Variants in ZNF586 observed in about 807,000 individuals in gnomAD.
ZNF586 encodes the protein zinc finger protein 586.
ZNF586 carries 7 observed loss-of-function variants against 6.7 expected under a neutral mutation model. The observed-to-expected ratio is 1.04, with a 90% CI of 0.59 to 1.95. The LOEUF is 1.95. Ranked by LOEUF, ZNF586 falls within the 30% of genes most tolerant of loss-of-function variation. The probability of loss-of-function intolerance (pLI) is 0.00; values close to 1 mark genes in which losing one functional copy is unlikely to be tolerated. For missense variants in ZNF586, 442 were observed against 489.6 expected, an observed-to-expected ratio of 0.90 and a Z score of 0.92; for synonymous variants, 166 against 168.7, an observed-to-expected ratio of 0.98 and a Z score of 0.12.
At position 57,779,316 on chromosome 19, in the gene ZNF586, T is replaced by A. The variant is rs1204456108; in HGVS notation, c.729T>A (p.Phe243Leu). ...AGTGCAGTGAATGTGGGAGATCCTTTGCTGAAAACTCCAGTCTTATTAAAC... is the reference window on the plus strand; with the variant it reads ...AGTGCAGTGAATGTGGGAGATCCTTAGCTGAAAACTCCAGTCTTATTAAAC... ...PYECSECGRSFAENSSLIKHL... is the reference protein window; with the variant it reads ...PYECSECGRSLAENSSLIKHL... Residue 243 changes from phenylalanine to leucine, a missense_variant, in exon 3 of 3, where the codon TTT becomes TTA. Physicochemically the swap from Phe to Leu is conservative, Grantham distance 22. Transcript: ENST00000396154. The A allele has an allele frequency of 6.2e-7, 1 of 1,613,956 alleles. No homozygotes were observed. Among genetic ancestry groups the A allele is most frequent in the Non-Finnish European group, 8.5e-7 (1 of 1,180,028 alleles).
rs903762115 is a variant in ZNF586 at position 57,780,424 on chromosome 19, C to G, written c.*628C>G. On this transcript the variant is annotated 3_prime_UTR_variant, in exon 3 of 3. Transcript: ENST00000396154. ...CTCATTTTTGGCACAGAGGACTCTT[C>G]TGATAACTTGAAAAAATGGACTACC... is the stretch of plus-strand genomic sequence containing the variant. 1 of 152,208 alleles carries G rather than the reference C, an allele frequency of 6.6e-6. No individual in the cohort carries two copies. Among genetic ancestry groups the G allele is most frequent in the African/African-American group, 2.4e-5 (1 of 41,432 alleles). 9.4% of individuals were successfully genotyped at this position (152,208 alleles called of 1,614,324 possible).
intron 1 of ZNF586, 121 bp downstream of exon 1, chr19:57,769,999 C>T: frequency 1.0e-6 from 1 of 973,006 alleles, no homozygotes; most frequent in Non-Finnish European, 1.4e-6. Flanking sequence ...CGGAGAGGCG[C>T]CGGCGGGTGG....
intron 1 of ZNF586, among the ~76,000 whole-genome samples, chr19:57,770,604 T>C (rs75280002): frequency 3.3e-5 from 5 of 152,200 alleles, no homozygotes; most frequent in East Asian, 3.9e-4. Flanking sequence ...GGTTGAATCA[T>C]TGAGAGGTGA....
At chr19:57,773,306 TCCTGCTTGTGTA>T (rs1424762066) in intron 1 of ZNF586, among the ~76,000 whole-genome samples, 1 of 152,088 alleles carries the variant, frequency 6.6e-6, no homozygotes, top group Non-Finnish European at 1.5e-5. Flanking sequence ...AGTTTGGGTT[TCCTGCTTGTGTA>T]CCTGGTGATG....
chr19:57,773,673 G>A (rs145916007), intron 1 of ZNF586, among the ~76,000 whole-genome samples: 9 of 152,226 alleles, frequency 5.9e-5, no homozygotes, highest in African/African-American at 2.2e-4. Flanking sequence ...ATGCTTCCAA[G>A]AAATGAATAG....
chr19:57,775,264 G>T (rs1480806014), intron 1 of ZNF586, among the ~76,000 whole-genome samples: 1 of 152,112 alleles, frequency 6.6e-6, no homozygotes, highest in African/African-American at 2.4e-5. Flanking sequence ...CAAAGTGCAG[G>T]GATTATAGGC....
At chr19:57,777,755 T>C (rs1198563965) in intron 2 of ZNF586, among the ~76,000 whole-genome samples, 3 of 138,558 alleles carry the variant, frequency 2.2e-5, no homozygotes, top group Admixed American at 7.2e-5. Flanking sequence ...TCTTTTTTTT[T>C]TTTTTTTTTT....
rs1987040501 is a variant in ZNF586, at chr19:57,769,790, C to T, written c.-53C>T. On this transcript the variant is annotated 5_prime_UTR_variant, in exon 1 of 3. The change creates a premature stop within an existing upstream ORF in the 5' untranslated region. Coordinates refer to ENST00000396154, the MANE Select transcript of ZNF586 (RefSeq NM_017652.4). ...CGACGCCGCTGGTCGCGACCCGGGACAGGACAACGACAGGAACACCGCCGA... is the reference window on the plus strand; with the variant it reads ...CGACGCCGCTGGTCGCGACCCGGGATAGGACAACGACAGGAACACCGCCGA... 2 of 1,536,596 alleles carry T rather than the reference C, an allele frequency of 1.3e-6. No homozygotes were observed. The highest frequency in any genetic ancestry group is 8.8e-7 in the Non-Finnish European group (1 of 1,139,424).
At position 57,779,189 on chromosome 19, in the gene ZNF586, C is replaced by G. The variant is rs1490598925; in HGVS notation, c.602C>G (p.Ser201Cys). 1.2e-6 allele frequency: 2 copies of G among 1,613,730 alleles called. No homozygotes were observed. The highest frequency in any genetic ancestry group is 1.7e-6 in the Non-Finnish European group (2 of 1,180,002). ...SSLINHRKVHSGAKRYECNEC... is the reference protein window; with the variant it reads ...SSLINHRKVHCGAKRYECNEC... The stretch of plus-strand genomic sequence containing the variant: ...CTCATTAACCACAGGAAAGTTCACT[C>G]TGGAGCAAAGCGTTATGAATGCAAT... Residue 201 changes from serine to cysteine, a missense_variant, in exon 3 of 3, where the codon TCT becomes TGT. By Grantham distance (112) the Ser-to-Cys change is moderately radical (BLOSUM62 -1). Coordinates refer to ENST00000396154, the MANE Select transcript of ZNF586 (RefSeq NM_017652.4).
chr19:57,770,265 T>G (rs1393425843), intron 1 of ZNF586, among the ~76,000 whole-genome samples: 1 of 150,880 alleles, frequency 6.6e-6, no homozygotes, highest in Non-Finnish European at 1.5e-5. Context: ...CAAGCGATTC[T>G]CCTGCCTCAG....
intron 1 of ZNF586, among the ~76,000 whole-genome samples, chr19:57,770,519 C>G (rs1987069902): frequency 6.6e-6 from 1 of 152,158 alleles, no homozygotes; most frequent in Non-Finnish European, 1.5e-5. Flanking sequence ...AGGAGGAAAT[C>G]TGTGTTAGAG....
At chr19:57,776,741 A>C in intron 2 of ZNF586, 72 bp downstream of exon 2, 317 of 1,469,406 alleles carry the variant, frequency 2.2e-4, no homozygotes, top group Middle Eastern at 3.6e-4. Context: ...TCTCTTTCTC[A>C]CACCAGGACC....
At chr19:57,773,332 T>C (rs1159959262) in intron 1 of ZNF586, among the ~76,000 whole-genome samples, 3 of 151,984 alleles carry the variant, frequency 2.0e-5, no homozygotes, top group African/African-American at 4.8e-5. Context: ...GGTGATGGTA[T>C]TGGATTTGAG....
intron 1 of ZNF586, among the ~76,000 whole-genome samples, chr19:57,774,376 A>T (rs554307733): frequency 6.6e-6 from 1 of 151,342 alleles, no homozygotes; most frequent in South Asian, 2.1e-4. Context: ...ATATAAAATT[A>T]GCCAGGCGTG....
At position 57,779,545 on chromosome 19, in the gene ZNF586, G is replaced by A. The variant is rs762279144; in HGVS notation, c.958G>A (p.Gly320Arg). The A allele has an allele frequency of 2.0e-5, 32 of 1,612,548 alleles. No homozygotes were observed. The highest frequency in any genetic ancestry group is 1.5e-4 in the Admixed American group (9 of 59,822). ...TCATACTGGAGAAAGGCATGAGTGC[G>A]GGCAGTGTGGGAAATCCTTTAGCCG... ...RVHTGERHECGQCGKSFSRKS... is the reference protein window; with the variant it reads ...RVHTGERHECRQCGKSFSRKS... Residue 320 changes from glycine to arginine, a missense_variant, in exon 3 of 3, where the codon GGG becomes AGG. Coordinates refer to ENST00000396154, the MANE Select transcript of ZNF586 (RefSeq NM_017652.4).
At chr19:57,773,197 A>G (rs1052308999) in intron 1 of ZNF586, among the ~76,000 whole-genome samples, 3 of 152,172 alleles carry the variant, frequency 2.0e-5, no homozygotes, top group African/African-American at 7.2e-5. Flanking sequence ...TATCTAATAT[A>G]TGGTAACTAC....
intron 1 of ZNF586, among the ~76,000 whole-genome samples, chr19:57,774,382 G>T (rs1307810387): frequency 6.6e-6 from 1 of 151,546 alleles, no homozygotes; most frequent in South Asian, 2.1e-4. Context: ...AATTAGCCAG[G>T]CGTGGTGGCT....
In ZNF586 at chr19:57,778,693, G is replaced by T. The variant is rs893951077; in HGVS notation, c.164-58G>T. ...TTTGGTTTGTCAGATACTCTTGTGGGTAGGCTGCATACTCAACAAAGTCAA... is the reference window on the plus strand; with the variant it reads ...TTTGGTTTGTCAGATACTCTTGTGGTTAGGCTGCATACTCAACAAAGTCAA... On this transcript the variant is annotated intron_variant, in intron 2 of 2. Transcript: ENST00000396154. The T allele has an allele frequency of 9.4e-6, 14 of 1,486,944 alleles. No individual in the cohort carries two copies. The African/African-American group carries it at 1.7e-4, about 18-fold the overall frequency. The allele number at this position is 1,486,944 out of a possible 1,614,324, so 92.1% of individuals were successfully genotyped here. A position where few individuals can be genotyped will look rare whatever the true frequency, so the allele number is the denominator to read the frequency against.
chr19:57,772,512 T>A (rs1050117398), intron 1 of ZNF586, among the ~76,000 whole-genome samples: 1 of 151,662 alleles, frequency 6.6e-6, no homozygotes, highest in Non-Finnish European at 1.5e-5. Context: ...TTTTTTTTTT[T>A]ACCTGTCCTT....
Sources: gnomAD v4.1 joint callset for allele counts (sites outside exome capture counted in the v4.1 genomes callset) on GRCh38, gnomAD v4.1.1 for gene constraint, MANE v1.5 for transcripts, NCBI Gene and HGNC (gene_info 2026-07-23, HGNC 2026-07-21) for gene names.